Variants in CLYBL observed in about 807,000 individuals in gnomAD.
The protein encoded by CLYBL is citramalyl-CoA lyase, mitochondrial.
Under a neutral mutation model 38.9 loss-of-function variants are expected in CLYBL, and 31 were observed. That is an observed-to-expected ratio of 0.80 (90% confidence interval 0.60 to 1.08). The LOEUF is 1.08. CLYBL is among the 50% of genes least tolerant of loss of function. The probability of loss-of-function intolerance (pLI) is 0.00; values close to 1 mark genes in which losing one functional copy is unlikely to be tolerated. For missense variants in CLYBL, 434 were observed against 411.6 expected, an observed-to-expected ratio of 1.05 and a Z score of -0.47; for synonymous variants, 171 against 158.6, an observed-to-expected ratio of 1.08 and a Z score of -0.59.
At chr13:99,850,039 A>G (rs757777070) in intron 2 of CLYBL, among the ~76,000 whole-genome samples, 1 of 152,258 alleles carries the variant, frequency 6.6e-6, no homozygotes, top group Non-Finnish European at 1.5e-5. Flanking sequence ...TAAAACTATT[A>G]AACTCCTAGA....
At chr13:99,855,291 C>T (rs1434786035) in intron 2 of CLYBL, among the ~76,000 whole-genome samples, 1 of 152,126 alleles carries the variant, frequency 6.6e-6, no homozygotes, top group Non-Finnish European at 1.5e-5. Context: ...GATATAAAAG[C>T]CCCCATAAAA....
intron 1 of CLYBL, among the ~76,000 whole-genome samples, chr13:99,711,340 C>T (rs1214406422): frequency 6.6e-6 from 1 of 151,514 alleles, no homozygotes; most frequent in African/African-American, 2.4e-5. Context: ...CTGCGCCTCC[C>T]GGTCCACAGA....
intron 1 of CLYBL, among the ~76,000 whole-genome samples, chr13:99,723,364 A>G (rs2048421895): frequency 6.6e-6 from 1 of 152,266 alleles, no homozygotes; most frequent in African/African-American, 2.4e-5. Context: ...AATTATTGCC[A>G]TCACATACCA....
At chr13:99,888,609 C>T (rs2052411571) in intron 7 of CLYBL, among the ~76,000 whole-genome samples, 1 of 152,040 alleles carries the variant, frequency 6.6e-6, no homozygotes, top group South Asian at 2.1e-4. Context: ...AAAAATTAGC[C>T]AAACGTGGTG....
chr13:99,760,827 G>A (rs1166652370), intron 1 of CLYBL, among the ~76,000 whole-genome samples: 1 of 152,130 alleles, frequency 6.6e-6, no homozygotes, highest in Non-Finnish European at 1.5e-5. Flanking sequence ...CCATACTCAG[G>A]ATATCTGTCA....
At chr13:99,871,586 C>A (rs1004896283) in intron 7 of CLYBL, among the ~76,000 whole-genome samples, 1 of 152,142 alleles carries the variant, frequency 6.6e-6, no homozygotes, top group African/African-American at 2.4e-5. Context: ...GAATGGAAAG[C>A]AAATTAACAC....
At chr13:99,727,049 C>G (rs2048487117) in intron 1 of CLYBL, among the ~76,000 whole-genome samples, 1 of 151,864 alleles carries the variant, frequency 6.6e-6, no homozygotes, top group South Asian at 2.1e-4. Context: ...ATCCCAACTA[C>G]TCGGGAGGCT....
intron 7 of CLYBL, among the ~76,000 whole-genome samples, chr13:99,879,307 C>T (rs1463215722): frequency 3.3e-5 from 5 of 152,164 alleles, no homozygotes; most frequent in South Asian, 2.1e-4. Context: ...AGAATGTTAA[C>T]GCTGTCTATT....
intron 1 of CLYBL, among the ~76,000 whole-genome samples, chr13:99,738,157 C>T (rs571946405): frequency 6.6e-6 from 1 of 152,270 alleles, no homozygotes; most frequent in African/African-American, 2.4e-5. Flanking sequence ...CTGCCTTTAT[C>T]TTAATATTTA....
intron 2 of CLYBL, among the ~76,000 whole-genome samples, chr13:99,791,359 T>TAA (rs1566328641): frequency 1.1e-5 from 1 of 87,518 alleles, no homozygotes; most frequent in Non-Finnish European, 2.2e-5. Flanking sequence ...AGTGTCTTTT[T>TAA]TAAAAAAAAA....
chr13:99,850,102 A>G (rs907451624), intron 2 of CLYBL, among the ~76,000 whole-genome samples: 3 of 152,242 alleles, frequency 2.0e-5, no homozygotes, highest in African/African-American at 7.2e-5. Flanking sequence ...CAGTGGTCTC[A>G]AGATGATAGC....
chr13:99,826,295 T>C (rs79549871), intron 2 of CLYBL, among the ~76,000 whole-genome samples: 203 of 152,318 alleles, frequency 1.3e-3, no homozygotes, highest in African/African-American at 4.5e-3. Flanking sequence ...AACTGGGGTT[T>C]CCTGGAAAGG....
chr13:99,632,413 A>C (rs753263025), intron 1 of CLYBL, among the ~76,000 whole-genome samples: 3 of 152,254 alleles, frequency 2.0e-5, no homozygotes, highest in Non-Finnish European at 4.4e-5. Context: ...TGGAATCTCT[A>C]TAACATATCG....
intron 2 of CLYBL, among the ~76,000 whole-genome samples, chr13:99,841,691 C>G (rs12868722): frequency 6.6e-6 from 1 of 152,126 alleles, no homozygotes; most frequent in African/African-American, 2.4e-5. Context: ...TGAGCCACTG[C>G]GCCCGGCCAC....
chr13:99,846,144 G>A (rs2051199383), intron 2 of CLYBL, among the ~76,000 whole-genome samples: 1 of 152,000 alleles, frequency 6.6e-6, no homozygotes, highest in Non-Finnish European at 1.5e-5. Context: ...GCAAGACCCT[G>A]TCTCTACAAA....
intron 1 of CLYBL, among the ~76,000 whole-genome samples, chr13:99,638,414 CAT>C (rs779557732): frequency 2.6e-5 from 4 of 152,204 alleles, no homozygotes; most frequent in Non-Finnish European, 5.9e-5. Context: ...ATTACATAGA[CAT>C]ACACACACAC....
intron 1 of CLYBL, among the ~76,000 whole-genome samples, chr13:99,627,894 C>A (rs2046892353): frequency 6.6e-6 from 1 of 152,176 alleles, no homozygotes; most frequent in Non-Finnish European, 1.5e-5. Flanking sequence ...GATATACCTG[C>A]ACATGTGAAT....
intron 1 of CLYBL, among the ~76,000 whole-genome samples, chr13:99,714,720 G>C (rs948190358): frequency 6.6e-6 from 1 of 151,894 alleles, no homozygotes; most frequent in Non-Finnish European, 1.5e-5. Flanking sequence ...GGCCGAGGTG[G>C]GCGGATCACT....
intron 9 of CLYBL, among the ~76,000 whole-genome samples, chr13:99,906,639 G>A (rs1377559353): frequency 6.6e-6 from 1 of 151,962 alleles, no homozygotes; most frequent in African/African-American, 2.4e-5. Flanking sequence ...GGCCAGGCTG[G>A]TCTCGAGCTC....
Sources: allele counts gnomAD v4.1 joint callset (sites outside exome capture counted in the v4.1 genomes callset), GRCh38; gene constraint gnomAD v4.1.1; transcripts MANE v1.5; gene names NCBI Gene and HGNC (gene_info 2026-07-23, HGNC 2026-07-21).